TLN2: variants seen among roughly 807,000 people sequenced by gnomAD.
The protein encoded by TLN2 is talin 2, also known as talin-2.
TLN2 carries 118 observed loss-of-function variants against 294.7 expected under a neutral mutation model. The ratio of observed to expected loss-of-function variants is 0.40; its 90% CI spans 0.34 to 0.47. The LOEUF (loss-of-function observed/expected upper bound fraction) is 0.47. Ranked by LOEUF, TLN2 falls within the 20% of genes least tolerant of loss-of-function variation. The probability of loss-of-function intolerance (pLI) is 0.84; values close to 1 mark genes in which losing one functional copy is unlikely to be tolerated. For synonymous variants in TLN2, 1,431 were observed against 1,304.5 expected (o/e 1.10, Z -2.09); for missense variants, 3,083 against 3,282.2 (o/e 0.94, Z 1.48).
chr15:62,619,814 C>A (rs139607930), intron 3 of TLN2, among the ~76,000 whole-genome samples: 106 of 152,314 alleles, frequency 7.0e-4, no homozygotes, highest in African/African-American at 2.4e-3. Flanking sequence ...CTTCTGGCAT[C>A]TGTAGCTACG....
chr15:62,510,382 G>A (rs780987032), intron 1 of TLN2, among the ~76,000 whole-genome samples: 1 of 152,218 alleles, frequency 6.6e-6, no homozygotes, highest in African/African-American at 2.4e-5. Flanking sequence ...TCATCATTCT[G>A]AGCTTCAGTT....
At chr15:62,519,426 T>A (rs912648981) in intron 1 of TLN2, among the ~76,000 whole-genome samples, 18 of 152,206 alleles carry the variant, frequency 1.2e-4, no homozygotes, top group Admixed American at 6.5e-4. Context: ...GGCTCATAAA[T>A]GAGACACTGA....
intron 1 of TLN2, among the ~76,000 whole-genome samples, chr15:62,550,295 T>C (rs1271398540): frequency 2.0e-5 from 3 of 152,042 alleles, no homozygotes; most frequent in Non-Finnish European, 4.4e-5. Flanking sequence ...CTAAAACATA[T>C]TTACAGGGGG....
At chr15:62,715,735 C>T (rs912469734) in intron 22 of TLN2, among the ~76,000 whole-genome samples, 2 of 152,182 alleles carry the variant, frequency 1.3e-5, no homozygotes, top group African/African-American at 2.4e-5. Context: ...GATACCATCT[C>T]GACTTTATAC....
chr15:62,632,911 A>T (rs1596412086), intron 3 of TLN2, among the ~76,000 whole-genome samples: 1 of 145,146 alleles, frequency 6.9e-6, no homozygotes, highest in Admixed American at 7.0e-5. Flanking sequence ...GAGTAACCGA[A>T]AGTGGGCTTG....
chr15:62,622,707 TA>T (rs2048938116), intron 3 of TLN2, among the ~76,000 whole-genome samples: 1 of 152,022 alleles, frequency 6.6e-6, no homozygotes, highest in Admixed American at 6.5e-5. Flanking sequence ...TAAATTGCCT[TA>T]TTCTTATTAT....
At chr15:62,687,775 T>C (rs1194391991) in intron 12 of TLN2, 2 of 152,198 alleles carry the variant, frequency 1.3e-5, no homozygotes, top group African/African-American at 4.8e-5. Context: ...TGACTATAGA[T>C]TGATAGGTTC....
intron 1 of TLN2, among the ~76,000 whole-genome samples, chr15:62,500,136 C>A (rs945225532): frequency 2.0e-5 from 3 of 151,780 alleles, no homozygotes; most frequent in Admixed American, 6.6e-5. Flanking sequence ...CAGGAGTTCA[C>A]GACCAGCCTC....
intron 52 of TLN2, among the ~76,000 whole-genome samples, chr15:62,812,219 T>C (rs1255164411): frequency 1.3e-5 from 2 of 152,164 alleles, no homozygotes; most frequent in Non-Finnish European, 2.9e-5. Flanking sequence ...CTTGTTCATT[T>C]TGGGGGAAGG....
intron 12 of TLN2, among the ~76,000 whole-genome samples, chr15:62,690,070 G>A (rs1160141950): frequency 5.0e-5 from 4 of 80,148 alleles, no homozygotes; most frequent in African/African-American, 1.7e-4. Flanking sequence ...CTCACCTCCC[G>A]GACGGGGCGG....
At chr15:62,468,929 A>C (rs1009763782) in intron 1 of TLN2, among the ~76,000 whole-genome samples, 2 of 152,152 alleles carry the variant, frequency 1.3e-5, no homozygotes, top group Non-Finnish European at 2.9e-5. Context: ...GAGCAGAAGA[A>C]CACCTACGAA....
intron 41 of TLN2, among the ~76,000 whole-genome samples, chr15:62,769,673 C>T (rs755044367): frequency 6.6e-6 from 1 of 152,162 alleles, no homozygotes; most frequent in South Asian, 2.1e-4. Flanking sequence ...CATCCTCCAC[C>T]CTCTCCTGCT....
chr15:62,763,639 G>T lies in TLN2; in HGVS notation c.5038G>T (p.Ala1680Ser). 6.2e-7 allele frequency: 1 copy of T among 1,613,312 alleles called. No homozygotes were observed. The highest frequency in any genetic ancestry group is 8.5e-7 in the Non-Finnish European group (1 of 1,179,824). ...INRCIRDIEQ[A>S]SLAAVSQSLA... ...CCGGTGCATCCGGGACATCGAGCAGGCCTCGCTGGCCGCCGTCAGCCAGAG... is the reference window on the plus strand; with the variant it reads ...CCGGTGCATCCGGGACATCGAGCAGTCCTCGCTGGCCGCCGTCAGCCAGAG... Residue 1680 changes from alanine (A) to serine (S), a missense_variant, in exon 40 of 59, where the codon GCC becomes TCC. Physicochemically the swap from Ala to Ser is moderately conservative, Grantham distance 99. Coordinates refer to ENST00000636159, the MANE Select transcript of TLN2 (RefSeq NM_015059.3).
intron 1 of TLN2, among the ~76,000 whole-genome samples, chr15:62,584,012 T>G (rs11631078): frequency 0.12 from 18,419 of 152,276 alleles, 1,305 homozygotes; most frequent in Middle Eastern, 0.16. Flanking sequence ...GCATTGATAT[T>G]GTTGGCACCA....
chr15:62,424,717 A>G (rs973299887), intron 1 of TLN2, among the ~76,000 whole-genome samples: 25 of 152,042 alleles, frequency 1.6e-4, no homozygotes, highest in African/African-American at 4.6e-4. Context: ...TAGTGGCCCA[A>G]TCTTGGCTCA....
At chr15:62,714,183 G>C (rs1366467116) in intron 22 of TLN2, among the ~76,000 whole-genome samples, 1 of 139,560 alleles carries the variant, frequency 7.2e-6, no homozygotes, top group Non-Finnish European at 1.5e-5. Flanking sequence ...CCAGGCCAAT[G>C]TGCACGTTTT....
chr15:62,570,537 T>C (rs1254956366), intron 1 of TLN2, among the ~76,000 whole-genome samples: 1 of 152,088 alleles, frequency 6.6e-6, no homozygotes, highest in Non-Finnish European at 1.5e-5. Flanking sequence ...TCTTTCTTTC[T>C]TTGTCCCACT....
chr15:62,703,368 G>A (rs554091064), intron 19 of TLN2, among the ~76,000 whole-genome samples: 1 of 152,096 alleles, frequency 6.6e-6, no homozygotes, highest in South Asian at 2.1e-4. Flanking sequence ...CCAAAGTGCT[G>A]GGATTACAGG....
chr15:62,452,812 C>T (rs969945369), intron 1 of TLN2, among the ~76,000 whole-genome samples: 9 of 152,222 alleles, frequency 5.9e-5, no homozygotes, highest in African/African-American at 2.2e-4. Flanking sequence ...TCTGCCTGTC[C>T]TTGTTGCCCA....
Sources: allele counts gnomAD v4.1 joint callset (sites outside exome capture counted in the v4.1 genomes callset), GRCh38; gene constraint gnomAD v4.1.1; transcripts MANE v1.5; gene names NCBI Gene and HGNC (gene_info 2026-07-23, HGNC 2026-07-21).